The following SLC16A12 variants were observed in gnomAD, a reference collection of about 807,000 sequenced individuals.
SLC16A12 encodes the protein solute carrier family 16 member 12.
A neutral mutation model predicts 42.4 loss-of-function variants in SLC16A12; 17 were observed. The observed-to-expected ratio is 0.40, with a 90% confidence interval of 0.27 to 0.60. SLC16A12 has a LOEUF of 0.60. SLC16A12 is among the 20% of genes least tolerant of loss of function. The probability of loss-of-function intolerance (pLI) is 0.42; values close to 1 mark genes in which losing one functional copy is unlikely to be tolerated. For synonymous variants in SLC16A12, 224 were observed against 229.4 expected (o/e 0.98, Z 0.21); for missense variants, 544 against 623.0 (o/e 0.87, Z 1.35).
intron 2 of SLC16A12, among the ~76,000 whole-genome samples, chr10:89,550,700 G>C (rs546968088): frequency 6.9e-6 from 1 of 144,744 alleles, no homozygotes; most frequent in East Asian, 2.0e-4. Flanking sequence ...CCCATATCTC[G>C]CTATACTTAG....
intron 2 of SLC16A12, among the ~76,000 whole-genome samples, chr10:89,526,549 A>T (rs1473464271): frequency 6.6e-6 from 1 of 152,254 alleles, no homozygotes; most frequent in Non-Finnish European, 1.5e-5. Context: ...AGCTGCCAGA[A>T]TATAAAACAA....
At chr10:89,511,707 T>A (rs540956241) in intron 2 of SLC16A12, among the ~76,000 whole-genome samples, 8 of 152,112 alleles carry the variant, frequency 5.3e-5, no homozygotes, top group Admixed American at 1.3e-4. Flanking sequence ...GATGTGCACA[T>A]GTACCCCGAA....
intron 2 of SLC16A12, among the ~76,000 whole-genome samples, chr10:89,476,150 C>T (rs979756337): frequency 6.6e-6 from 1 of 152,092 alleles, no homozygotes; most frequent in Non-Finnish European, 1.5e-5. Flanking sequence ...TAATTTTGTA[C>T]TCTGTTACAG....
rs1420663802 is a variant in SLC16A12, at chr10:89,433,118, A to G, written c.1497T>C (p.Asp499=). 6.2e-7 allele frequency: 1 copy of G among 1,614,126 alleles called. No individual in the cohort carries two copies. Among genetic ancestry groups the G allele is most frequent in the South Asian group, 1.1e-5 (1 of 91,074 alleles). The part of the protein sequence containing the change: ...SVAYSVAREL[D]QKHGEPVATA... ...TAGCCACAGGCTCCCCATGTTTCTGATCTAATTCTCTTGCCACAGAATAAG... is the reference window on the plus strand; with the variant it reads ...TAGCCACAGGCTCCCCATGTTTCTGGTCTAATTCTCTTGCCACAGAATAAG... The change falls in exon 8 of 8, where the codon GAT becomes GAC. Residue 499 remains aspartate (D), a synonymous_variant. Transcript: ENST00000371790.
At position 89,439,151 on chromosome 10, in the gene SLC16A12, T is replaced by C; in HGVS notation, c.481A>G (p.Ile161Val). 1.2e-6 allele frequency: 2 copies of C among 1,614,152 alleles called. No homozygotes were observed. The highest frequency in any genetic ancestry group is 8.5e-7 in the Non-Finnish European group (1 of 1,180,022). ...CTGAAGTACTTGCCAACCATGGCAATAGCTGGAGAGTAACAAAGTGCAAAT... is the reference window on the plus strand; with the variant it reads ...CTGAAGTACTTGCCAACCATGGCAACAGCTGGAGAGTAACAAAGTGCAAAT... ...LGFALCYSPA[I>V]AMVGKYFSRR... Residue 161 changes from isoleucine (I) to valine (V), a missense_variant, in exon 6 of 8, where the codon ATT (isoleucine) becomes GTT (valine). Physicochemically the swap from Ile to Val is conservative, Grantham distance 29. Transcript: ENST00000371790.
At chr10:89,462,796 A>T in intron 2 of SLC16A12, 172 bp from the exon 3 acceptor site, 1 of 687,084 alleles carries the variant, frequency 1.5e-6, no homozygotes, top group Non-Finnish European at 2.2e-6. Flanking sequence ...TTTCTTTTTT[A>T]AAAATAAAAT....
At chr10:89,445,623 G>A (rs1387130598) in intron 3 of SLC16A12, among the ~76,000 whole-genome samples, 3 of 152,148 alleles carry the variant, frequency 2.0e-5, no homozygotes, top group Non-Finnish European at 4.4e-5. Context: ...AAGACCAAAG[G>A]TAGATAAAAC....
At chr10:89,542,083 C>G (rs1048743082) in intron 2 of SLC16A12, among the ~76,000 whole-genome samples, 3 of 151,656 alleles carry the variant, frequency 2.0e-5, no homozygotes, top group Non-Finnish European at 4.4e-5. Context: ...GTGGCGGGCA[C>G]AGCCTGACCC....
intron 2 of SLC16A12, among the ~76,000 whole-genome samples, chr10:89,525,390 A>C (rs1843433314): frequency 6.6e-6 from 1 of 152,224 alleles, no homozygotes. Flanking sequence ...GCAAAACTTG[A>C]AATTTTAGTT....
intron 3 of SLC16A12, among the ~76,000 whole-genome samples, chr10:89,446,654 A>G (rs566075383): frequency 6.6e-6 from 1 of 152,240 alleles, no homozygotes; most frequent in African/African-American, 2.4e-5. Flanking sequence ...CTGCAAAAAC[A>G]TGCCAAATTG....
At chr10:89,536,609 C>A (rs1316520599), upstream of SLC16A12, among the ~76,000 whole-genome samples, 23 of 152,002 alleles carry the variant, frequency 1.5e-4, no homozygotes. Flanking sequence ...CTCTCCTTGT[C>A]AGAAGCAAGG....
At chr10:89,538,613 A>G (rs929983975), upstream of SLC16A12, among the ~76,000 whole-genome samples, 2 of 152,232 alleles carry the variant, frequency 1.3e-5, no homozygotes, top group African/African-American at 4.8e-5. Context: ...TCAGAACTTC[A>G]TCTGTCTAAA....
chr10:89,523,738 C>A (rs1447964011), intron 2 of SLC16A12, among the ~76,000 whole-genome samples: 2 of 152,162 alleles, frequency 1.3e-5, no homozygotes, highest in Non-Finnish European at 2.9e-5. Context: ...AAGCACTACT[C>A]CAGGCACTAT....
At chr10:89,530,574 C>A (rs903228620) in intron 2 of SLC16A12, among the ~76,000 whole-genome samples, 1 of 152,018 alleles carries the variant, frequency 6.6e-6, no homozygotes, top group African/African-American at 2.4e-5. Context: ...CCTACCACCA[C>A]GCCCGGCTAA....
chr10:89,462,328 G>GA (rs1356246453), intron 3 of SLC16A12, 51 bp downstream of exon 3: 1 of 1,612,278 alleles, frequency 6.2e-7, no homozygotes, highest in South Asian at 1.1e-5. Context: ...AGATTTAAAA[G>GA]AAAAGACAGG....
intron 2 of SLC16A12, among the ~76,000 whole-genome samples, chr10:89,472,487 CT>C (rs71022567): frequency 0.012 from 1,100 of 89,922 alleles, 8 homozygotes; most frequent in African/African-American, 0.035. Flanking sequence ...TCTTTTCTTT[CT>C]TTTTTTTTTT....
At chr10:89,517,058 T>C (rs1466884145) in intron 2 of SLC16A12, among the ~76,000 whole-genome samples, 3 of 151,978 alleles carry the variant, frequency 2.0e-5, no homozygotes, top group Non-Finnish European at 4.4e-5. Context: ...CTCCCATCTC[T>C]ACAAAAAATT....
At chr10:89,529,829 T>A (rs11816154) in intron 2 of SLC16A12, among the ~76,000 whole-genome samples, 1 of 152,192 alleles carries the variant, frequency 6.6e-6, no homozygotes, top group African/African-American at 2.4e-5. Flanking sequence ...ATTACAGGCA[T>A]GAGCCACTGC....
chr10:89,524,706 G>C (rs1471892133), intron 2 of SLC16A12, among the ~76,000 whole-genome samples: 3 of 152,122 alleles, frequency 2.0e-5, no homozygotes, highest in Admixed American at 2.0e-4. Flanking sequence ...CCATCTCCTG[G>C]GAAGTATCTT....
Sources: gnomAD v4.1 joint callset for allele counts (sites outside exome capture counted in the v4.1 genomes callset) on GRCh38, gnomAD v4.1.1 for gene constraint, MANE v1.5 for transcripts, NCBI Gene and HGNC (gene_info 2026-07-23, HGNC 2026-07-21) for gene names.